C8A: variants seen among roughly 807,000 people sequenced by gnomAD.
The protein encoded by C8A is complement C8 alpha chain.
Under a neutral mutation model 65.3 loss-of-function variants are expected in C8A, and 67 were observed. The observed-to-expected ratio is 1.03, with a 90% CI of 0.84 to 1.26. The LOEUF (loss-of-function observed/expected upper bound fraction) is 1.26, where lower values mean the gene tolerates loss of function less well. Among genes scored for constraint, C8A ranks in the 50% most tolerant of loss-of-function variants. The pLI is 0.00. For synonymous variants in C8A, 290 were observed against 259.4 expected, an observed-to-expected ratio of 1.12 and a Z score of -1.13; for missense variants, 781 against 723.9, an observed-to-expected ratio of 1.08 and a Z score of -0.90.
rs764768525 is a variant in C8A at position 56,906,683 on chromosome 1, T to C, written c.1113T>C (p.Asp371=). Residue 371 remains aspartate, a synonymous_variant, in exon 8 of 11, where the codon GAT becomes GAC. Transcript: ENST00000361249. ...CTGTTGCAGGTATTACCAGCAGAGA[T>C]ATCACGACATGTTTTGGAGGCTCCT... The part of the protein sequence containing the change: ...KMESLGITSR[D]ITTCFGGSLG... The C allele has an allele frequency of 2.5e-6, 4 of 1,613,976 alleles. No individual in the cohort carries two copies. The South Asian group carries it at 4.4e-5, about 18-fold the overall frequency.
rs1644520007 is a variant in C8A, at chr1:56,912,774, A to G, written c.1603+149A>G. The G allele has an allele frequency of 8.3e-6, 6 of 724,272 alleles. No homozygotes were observed. In the South Asian group the frequency reaches 9.6e-5, roughly 12 times the overall value. The allele number at this position is 724,272 out of a possible 1,614,324, so 44.9% of individuals were successfully genotyped here. The stretch of plus-strand genomic sequence containing the variant: ...CCCTTGAGAGTTCTGTTACTCACCC[A>G]TCACATTTAGTGGTTCTTGTGCTTT... On this transcript the variant is annotated intron_variant, in intron 10 of 10. Coordinates refer to ENST00000361249, the MANE Select transcript of C8A (RefSeq NM_000562.3).
Position 56,876,133 on chromosome 1 carries a change from T to C in C8A, c.388T>C (p.Cys130Arg). The C allele has an allele frequency of 2.5e-6, 4 of 1,613,902 alleles. No individual in the cohort carries two copies. Among genetic ancestry groups the C allele is most frequent in the Non-Finnish European group, 3.4e-6 (4 of 1,179,884 alleles). The change falls in exon 4 of 11, where the codon TGT becomes CGT. Residue 130 changes from cysteine to arginine, a missense_variant. Cys to Arg is a radical substitution (Grantham distance 180). Transcript: ENST00000361249. Reference protein sequence around the residue: ...DCLDGSDEDDCEDVRAIDEDC... With the variant: ...DCLDGSDEDDREDVRAIDEDC... ...CCTTGATGGCTCTGATGAGGACGAC[T>C]GTGAAGATGTCAGGGCCATTGACGA... is the stretch of plus-strand genomic sequence containing the variant.
chr1:56,917,813 C>A lies in C8A; in HGVS notation c.*97C>A. The A allele has an allele frequency of 6.8e-7, 1 of 1,466,228 alleles. No homozygotes were observed. The highest frequency in any genetic ancestry group is 9.4e-7 in the Non-Finnish European group (1 of 1,058,928). The allele number at this position is 1,466,228 out of a possible 1,614,324, so 90.8% of individuals were successfully genotyped here. Reference sequence around the variant, plus strand: ...CTTTCAACTAAGAGAAGATGCAAATCAGCACACTTTTTTCTTTGTTCTGCC... The same window carrying A: ...CTTTCAACTAAGAGAAGATGCAAATAAGCACACTTTTTTCTTTGTTCTGCC... On this transcript the variant is annotated 3_prime_UTR_variant, in exon 11 of 11. Transcript: ENST00000361249.
chr1:56,906,830 C>T (rs1308579722), intron 8 of C8A, 38 bp downstream of exon 8: 1 of 1,613,610 alleles, frequency 6.2e-7, no homozygotes, highest in Non-Finnish European at 8.5e-7. Context: ...AAAGAGAAGC[C>T]AGGCTTTCCT....
At chr1:56,861,679 G>A (rs1644034733) in intron 1 of C8A, among the ~76,000 whole-genome samples, 1 of 152,178 alleles carries the variant, frequency 6.6e-6, no homozygotes, top group South Asian at 2.1e-4. Context: ...ATTTTCCACT[G>A]CACTTAGCAA....
At chr1:56,856,305 G>C (rs760698890) in intron 1 of C8A, among the ~76,000 whole-genome samples, 8 of 152,080 alleles carry the variant, frequency 5.3e-5, no homozygotes, top group Non-Finnish European at 1.0e-4. Flanking sequence ...ATTTTTCCAA[G>C]CTTCATTTTC....
At position 56,855,546 on chromosome 1, in the gene C8A, A is replaced by G. The variant is rs529662896; in HGVS notation, c.77+568A>G. 3.3e-5 allele frequency among the ~76,000 whole-genome samples: 5 copies of G among 152,116 alleles called. No individual in the cohort carries two copies. In the South Asian group the frequency reaches 8.3e-4, roughly 25 times the overall value. ...TCTAAAAATGACTTTATCTTTTGCT[A>G]TGGGATAATAGAGGGAGGTGATGTA... On this transcript the variant is annotated intron_variant, in intron 1 of 10. Coordinates refer to ENST00000361249, the MANE Select transcript of C8A (RefSeq NM_000562.3).
chr1:56,893,107 T>A (rs892322991), intron 7 of C8A, among the ~76,000 whole-genome samples: 44 of 152,158 alleles, frequency 2.9e-4, no homozygotes, highest in African/African-American at 9.4e-4. Flanking sequence ...AGATATCTTT[T>A]TTTTTAATCT....
chr1:56,878,306 T>C (rs998568821), intron 4 of C8A, among the ~76,000 whole-genome samples: 1 of 152,186 alleles, frequency 6.6e-6, no homozygotes, highest in South Asian at 2.1e-4. Flanking sequence ...CACATGAATG[T>C]TGGGGACATG....
At chr1:56,875,888 G>T (rs558782974) in intron 3 of C8A, among the ~76,000 whole-genome samples, 174 bp from the exon 4 acceptor site, 1 of 152,244 alleles carries the variant, frequency 6.6e-6, no homozygotes, top group African/African-American at 2.4e-5. Flanking sequence ...GCCCAAGCTG[G>T]GAGGCTGCAG....
At chr1:56,877,368 C>A (rs984385876) in intron 4 of C8A, among the ~76,000 whole-genome samples, 5 of 152,110 alleles carry the variant, frequency 3.3e-5, no homozygotes, top group African/African-American at 1.2e-4. Flanking sequence ...TTGACTTAGT[C>A]CCCTCCCATT....
intron 1 of C8A, among the ~76,000 whole-genome samples, chr1:56,856,372 A>G (rs534073034): frequency 8.5e-5 from 13 of 152,274 alleles, no homozygotes; most frequent in Admixed American, 8.5e-4. Flanking sequence ...GAAAGTACTT[A>G]GATCAATACC....
chr1:56,868,729 C>T (rs1570317699), intron 2 of C8A, among the ~76,000 whole-genome samples: 4 of 152,198 alleles, frequency 2.6e-5, no homozygotes, highest in South Asian at 2.1e-4. Context: ...CTTCCCCACT[C>T]GGCATACCAC....
rs185174445 is a variant in C8A, at chr1:56,883,735, C to T, written c.855+54C>T. On this transcript the variant is annotated intron_variant, in intron 6 of 10. Coordinates refer to ENST00000361249, the MANE Select transcript of C8A (RefSeq NM_000562.3). ...AGTATTCCATAATATACACTGAACA[C>T]GTATTACCTTAATTGCATTAAAAAG... 3.7e-4 allele frequency: 518 copies of T among 1,411,136 alleles called. 10 individuals carry two copies. The East Asian group carries it at 8.9e-3, about 24-fold the overall frequency. The allele number at this position is 1,411,136 out of a possible 1,614,324, so 87.4% of individuals were successfully genotyped here.
intron 7 of C8A, among the ~76,000 whole-genome samples, chr1:56,892,724 G>T (rs1163687254): frequency 6.6e-6 from 1 of 152,110 alleles, no homozygotes; most frequent in Non-Finnish European, 1.5e-5. Context: ...AACAAAGTTG[G>T]TGGTGGTCTG....
rs1386032168 is a variant in C8A, at chr1:56,886,018, A to G, written c.947A>G (p.Gln316Arg). The G allele has an allele frequency of 5.0e-6, 8 of 1,613,994 alleles. No homozygotes were observed. Among genetic ancestry groups the G allele is most frequent in the Middle Eastern group, 1.6e-4 (1 of 6,080 alleles). Reference sequence around the variant, plus strand: ...ATTATGCTGGATGAAGGAATGCTGCAGTCATTAATGGAGCTTCCAGATCAG... The same window carrying G: ...ATTATGCTGGATGAAGGAATGCTGCGGTCATTAATGGAGCTTCCAGATCAG... Reference protein sequence around the residue: ...DDIMLDEGMLQSLMELPDQYN... With the variant: ...DDIMLDEGMLRSLMELPDQYN... Residue 316 changes from glutamine (Q) to arginine (R), a missense_variant, in exon 7 of 11, where the codon CAG (glutamine) becomes CGG (arginine). Gln to Arg is a conservative substitution (Grantham distance 43, BLOSUM62 1). Coordinates refer to ENST00000361249, the MANE Select transcript of C8A (RefSeq NM_000562.3).
At chr1:56,902,680 G>A (rs1034288301) in intron 7 of C8A, among the ~76,000 whole-genome samples, 2 of 151,960 alleles carry the variant, frequency 1.3e-5, no homozygotes, top group African/African-American at 4.8e-5. Context: ...CAACAACCAT[G>A]ATACCCTTTG....
chr1:56,875,528 G>A (rs1164050967), intron 3 of C8A, among the ~76,000 whole-genome samples: 2 of 152,144 alleles, frequency 1.3e-5, no homozygotes, highest in African/African-American at 2.4e-5. Context: ...TTTCTAGCAG[G>A]AGGTTCCCAA....
Position 56,906,700 on chromosome 1 carries a change from G to A in C8A, c.1130G>A (p.Gly377Glu). 2 of 1,614,022 alleles carry A rather than the reference G, an allele frequency of 1.2e-6. No homozygotes were observed. Among genetic ancestry groups the A allele is most frequent in the Non-Finnish European group, 1.7e-6 (2 of 1,179,928 alleles). Residue 377 changes from glycine (G) to glutamate (E), a missense_variant, in exon 8 of 11, where the codon GGA becomes GAA. Coordinates refer to ENST00000361249, the MANE Select transcript of C8A (RefSeq NM_000562.3). ...AGCAGAGATATCACGACATGTTTTG[G>A]AGGCTCCTTGGGCATTCAATATGAA... is the stretch of plus-strand genomic sequence containing the variant. The part of the protein sequence containing the change: ...ITSRDITTCF[G>E]GSLGIQYEDK...
Sources: allele counts gnomAD v4.1 joint callset (sites outside exome capture counted in the v4.1 genomes callset), GRCh38; gene constraint gnomAD v4.1.1; transcripts MANE v1.5; gene names NCBI Gene and HGNC (gene_info 2026-07-23, HGNC 2026-07-21).